PRUNE2: variants seen among roughly 807,000 people sequenced by gnomAD.
PRUNE2 encodes prune homolog 2 with BCH domain.
In PRUNE2, 164 loss-of-function variants were observed where a neutral mutation model predicts 252.0. The observed-to-expected ratio is 0.65, with a 90% CI of 0.57 to 0.74. PRUNE2 has a LOEUF of 0.74. PRUNE2 is among the 30% of genes least tolerant of loss of function. The pLI is 0.00. For missense variants in PRUNE2, 3,495 were observed against 3,711.0 expected (o/e 0.94, Z 1.51); for synonymous variants, 1,292 against 1,350.2 (o/e 0.96, Z 0.94).
rs1430240892 is a variant in PRUNE2 at position 76,638,207 on chromosome 9, T to C, written c.8810A>G (p.Tyr2937Cys). ...LPDSSRADYH[Y>C]VMENLFLYVI... ...TCACAGGAAAAGATTTTCCATGACA[T>C]AGTGGTAATCCGCCCGACTGCTGTC... Residue 2937 changes from tyrosine to cysteine, a missense_variant, in exon 13 of 19, where the codon TAT becomes TGT. By Grantham distance (194) the Tyr-to-Cys change is radical (BLOSUM62 -2). Coordinates refer to ENST00000376718, the MANE Select transcript of PRUNE2 (RefSeq NM_015225.3). 12 of 1,612,820 alleles carry C rather than the reference T, an allele frequency of 7.4e-6. No individual in the cohort carries two copies. Among genetic ancestry groups the C allele is most frequent in the Admixed American group, 1.7e-5 (1 of 59,996 alleles).
intron 16 of PRUNE2, chr9:76,627,844 CAG>C (rs1411761112): frequency 4.6e-6 from 2 of 432,734 alleles, no homozygotes; most frequent in Admixed American, 2.5e-5. Flanking sequence ...ATCTGTAAAA[CAG>C]GGGTTTACTA....
intron 6 of PRUNE2, among the ~76,000 whole-genome samples, chr9:76,821,415 T>A (rs1318274376): frequency 6.6e-6 from 1 of 152,152 alleles, no homozygotes; most frequent in Non-Finnish European, 1.5e-5. Context: ...ATTGGGAAAA[T>A]ACCACTGCAT....
At chr9:76,869,199 C>A (rs2061038595) in intron 1 of PRUNE2, 1 of 152,228 alleles carries the variant, frequency 6.6e-6, no homozygotes, top group African/African-American at 2.4e-5. Context: ...GCCAGTGACA[C>A]CACACACCTG....
intron 9 of PRUNE2, among the ~76,000 whole-genome samples, chr9:76,674,138 T>C (rs2042058095): frequency 6.6e-6 from 1 of 151,646 alleles, no homozygotes; most frequent in South Asian, 2.1e-4. Context: ...GACGACATGA[T>C]TGTATATCTA....
intron 11 of PRUNE2, chr9:76,651,874 G>A (rs781602855): frequency 6.6e-6 from 1 of 152,180 alleles, no homozygotes; most frequent in Admixed American, 6.5e-5. Flanking sequence ...AGACAATAAA[G>A]ATGCAAACAA....
At chr9:76,807,863 G>C (rs1180549576) in intron 6 of PRUNE2, among the ~76,000 whole-genome samples, 1 of 152,230 alleles carries the variant, frequency 6.6e-6, no homozygotes, top group Admixed American at 6.5e-5. Context: ...ACTGATGTCT[G>C]TCTGTCATTT....
intron 1 of PRUNE2, among the ~76,000 whole-genome samples, chr9:76,881,124 T>C (rs966120468): frequency 1.3e-5 from 2 of 152,066 alleles, no homozygotes; most frequent in Non-Finnish European, 2.9e-5. Context: ...TGCGCCACCA[T>C]ACCCAGCTAA....
chr9:76,642,001 TAAAAAAAAAAA>T (rs369258212), intron 12 of PRUNE2: 2 of 1,011,234 alleles, frequency 2.0e-6, no homozygotes, highest in Admixed American at 6.9e-5. Context: ...ATAAGAGAAG[TAAAAAAAAAAA>T]AAAAAGAAAA....
intron 9 of PRUNE2, among the ~76,000 whole-genome samples, chr9:76,690,174 T>TCCTTCTCTACTTTTCCTTCTGC (rs1439031416): frequency 6.6e-6 from 1 of 152,220 alleles, no homozygotes; most frequent in African/African-American, 2.4e-5. Context: ...ACAGAATCTG[T>TCCTTCTCTACTTTTCCTTCTGC]CCTTCTCTAC....
Position 76,906,002 on chromosome 9 carries a change from G to A in PRUNE2, c.-39C>T, listed in dbSNP as rs2063474691. Reference sequence around the variant, plus strand: ...GTTTGGAACCCGGGTACTCGGAGGGGCGCAGTGGAAAATCTCGGCCCAAGG... The same window carrying A: ...GTTTGGAACCCGGGTACTCGGAGGGACGCAGTGGAAAATCTCGGCCCAAGG... On this transcript the variant is annotated 5_prime_UTR_variant, in exon 1 of 19. Transcript: ENST00000376718. The A allele has an allele frequency of 6.2e-7, 1 of 1,611,052 alleles. No homozygotes were observed. The highest frequency in any genetic ancestry group is 8.5e-7 in the Non-Finnish European group (1 of 1,177,294).
intron 1 of PRUNE2, among the ~76,000 whole-genome samples, chr9:76,857,507 C>T (rs1402331950): frequency 6.6e-6 from 1 of 152,168 alleles, no homozygotes; most frequent in Non-Finnish European, 1.5e-5. Context: ...AAGAGATAGG[C>T]TTGGCCTCAG....
intron 4 of PRUNE2, among the ~76,000 whole-genome samples, chr9:76,827,736 C>T (rs1323575014): frequency 6.6e-6 from 1 of 152,138 alleles, no homozygotes; most frequent in African/African-American, 2.4e-5. Flanking sequence ...CCTACAGAAC[C>T]TAGAGATGAG....
chr9:76,644,092 C>G (rs1843722167), intron 12 of PRUNE2, among the ~76,000 whole-genome samples: 1 of 152,062 alleles, frequency 6.6e-6, no homozygotes, highest in African/African-American at 2.4e-5. Context: ...TTGTGACTCC[C>G]AAATTAATCA....
chr9:76,682,824 C>T (rs2043613012), intron 9 of PRUNE2, among the ~76,000 whole-genome samples: 1 of 137,508 alleles, frequency 7.3e-6, no homozygotes, highest in Admixed American at 7.5e-5. Flanking sequence ...ATTCTTTATG[C>T]TAAAAAATAT....
chr9:76,838,191 T>C (rs7853555), intron 4 of PRUNE2, among the ~76,000 whole-genome samples: 70,185 of 150,928 alleles, frequency 0.47, 18,668 homozygotes, highest in Non-Finnish European at 0.62. Flanking sequence ...ACTGCATGCA[T>C]TTTTGTAAGC....
intron 4 of PRUNE2, among the ~76,000 whole-genome samples, chr9:76,837,578 A>G (rs1003610485): frequency 6.6e-6 from 1 of 151,734 alleles, no homozygotes; most frequent in African/African-American, 2.4e-5. Flanking sequence ...AAAAGGATAG[A>G]GCAGGGGTAT....
At chr9:76,639,045 C>A (rs149184935) in intron 12 of PRUNE2, among the ~76,000 whole-genome samples, 137 of 152,262 alleles carry the variant, frequency 9.0e-4, no homozygotes, top group African/African-American at 3.2e-3. Context: ...TCCTGTCCTC[C>A]TACTCAAAGC....
chr9:76,629,918 G>A (rs1836741697), intron 15 of PRUNE2, among the ~76,000 whole-genome samples: 1 of 152,144 alleles, frequency 6.6e-6, no homozygotes, highest in Non-Finnish European at 1.5e-5. Context: ...AGCCTAGTGA[G>A]GTAGACACTA....
chr9:76,624,408 CA>C (rs977703762), intron 17 of PRUNE2, 43 bp downstream of exon 17: 2 of 1,332,154 alleles, frequency 1.5e-6, no homozygotes, highest in Non-Finnish European at 9.8e-7. Context: ...TTCTGAAATG[CA>C]AGCCAACATC....
Sources: allele counts gnomAD v4.1 joint callset (sites outside exome capture counted in the v4.1 genomes callset), GRCh38; gene constraint gnomAD v4.1.1; transcripts MANE v1.5; gene names NCBI Gene and HGNC (gene_info 2026-07-23, HGNC 2026-07-21).